The following RTTN variants were observed in gnomAD, a reference collection of about 807,000 sequenced individuals.
The protein encoded by RTTN is rotatin.
A neutral mutation model predicts 269.2 loss-of-function variants in RTTN; 182 were observed. The observed-to-expected ratio is 0.68, with a 90% CI of 0.60 to 0.76. RTTN has a LOEUF of 0.76. Ranked by LOEUF, RTTN falls within the 30% of genes least tolerant of loss-of-function variation. The pLI, the probability that RTTN is intolerant of heterozygous loss-of-function variation, is 0.00. For synonymous variants in RTTN, 1,006 were observed against 963.5 expected, an observed-to-expected ratio of 1.04 and a Z score of -0.82; for missense variants, 2,545 against 2,608.6, an observed-to-expected ratio of 0.98 and a Z score of 0.53.
At chr18:70,121,802 C>T (rs2059745597) in intron 25 of RTTN, 102 bp from the exon 26 acceptor site, 1 of 1,118,546 alleles carries the variant, frequency 8.9e-7, no homozygotes, top group Non-Finnish European at 1.2e-6. Flanking sequence ...TGTGAGGATG[C>T]TATTTTATGA....
At chr18:70,152,992 A>C (rs2060578461) in intron 14 of RTTN, among the ~76,000 whole-genome samples, 1 of 152,066 alleles carries the variant, frequency 6.6e-6, no homozygotes, top group Non-Finnish European at 1.5e-5. Flanking sequence ...CCATTTTTCT[A>C]TTATCTCATT....
rs615151 is a variant in RTTN, at chr18:70,073,971, A to G, written c.4588T>C (p.Trp1530Arg). 6.2e-7 allele frequency: 1 copy of G among 1,611,724 alleles called. No individual in the cohort carries two copies. Among genetic ancestry groups the G allele is most frequent in the Non-Finnish European group, 8.5e-7 (1 of 1,178,300 alleles). The change falls in exon 34 of 49, where the codon TGG becomes CGG. Residue 1530 changes from tryptophan to arginine, a missense_variant. Coordinates refer to ENST00000640769, the MANE Select transcript of RTTN (RefSeq NM_173630.4). ...TGACTTGTCCTAGATGGAGCCCTCC[A>G]AAACTTGAATGAGTCATCTAAACCT... is the stretch of plus-strand genomic sequence containing the variant. ...LNGLDDSFKF[W>R]RAPSRTSQDR...
chr18:70,143,700 G>A (rs989594298), intron 18 of RTTN, among the ~76,000 whole-genome samples: 9 of 151,812 alleles, frequency 5.9e-5, no homozygotes, highest in African/African-American at 2.4e-5. Context: ...CCCATGACAC[G>A]AGTTTACCTA....
chr18:70,040,426 G>A (rs1323335008), intron 40 of RTTN, among the ~76,000 whole-genome samples: 1 of 152,174 alleles, frequency 6.6e-6, no homozygotes, highest in Non-Finnish European at 1.5e-5. Context: ...AGGATACAAT[G>A]ATTGTGAGTA....
At position 70,148,973 on chromosome 18, in the gene RTTN, T is replaced by G. The variant is rs776943396; in HGVS notation, c.2237A>C (p.Asp746Ala). 9.9e-6 allele frequency: 16 copies of G among 1,613,560 alleles called. No homozygotes were observed. Among genetic ancestry groups the G allele is most frequent in the Non-Finnish European group, 1.3e-5 (15 of 1,179,668 alleles). The change falls in exon 17 of 49, where the codon GAC becomes GCC. Residue 746 changes from aspartate to alanine, a missense_variant. Coordinates refer to ENST00000640769, the MANE Select transcript of RTTN (RefSeq NM_173630.4). The stretch of plus-strand genomic sequence containing the variant: ...AGTACACGGAAGCATCTCTTCTGTG[T>G]CAGAACTTGCTTTGCTTAGAAGGAG... ...CILLLSKASS[D>A]TEEMLPCTTR...
rs1269057438 is a variant in RTTN, at chr18:70,199,511, G to A, written c.488-7C>T. The A allele has an allele frequency of 1.3e-6, 2 of 1,577,426 alleles. No individual in the cohort carries two copies. The highest frequency in any genetic ancestry group is 1.7e-5 in the Admixed American group (1 of 59,904). ...CACTTCACAGTCTGATTTACTGTCA[G>A]TGAAAGAGCAAATCTTATGGTATCA... On this transcript the variant is annotated splice_polypyrimidine_tract_variant and splice_region_variant and intron_variant, in intron 4 of 48. Transcript: ENST00000640769.
intron 28 of RTTN, among the ~76,000 whole-genome samples, chr18:70,108,126 A>C (rs2059370118): frequency 6.6e-6 from 1 of 152,066 alleles, no homozygotes; most frequent in Non-Finnish European, 1.5e-5. Flanking sequence ...AAAAGACAAA[A>C]ATTAGCTGTG....
At chr18:70,086,285 A>C (rs2058695968) in intron 32 of RTTN, among the ~76,000 whole-genome samples, 1 of 152,178 alleles carries the variant, frequency 6.6e-6, no homozygotes, top group Admixed American at 6.5e-5. Context: ...TCTCTATGCA[A>C]AAGTTCCTAA....
intron 9 of RTTN, among the ~76,000 whole-genome samples, chr18:70,188,433 A>G (rs1022273438): frequency 7.9e-5 from 12 of 152,232 alleles, no homozygotes; most frequent in Non-Finnish European, 1.6e-4. Flanking sequence ...TACATAACAA[A>G]TCAAATACAT....
In RTTN at chr18:70,134,503, A is replaced by C; in HGVS notation, c.2924T>G (p.Val975Gly). 1 of 1,610,554 alleles carries C rather than the reference A, an allele frequency of 6.2e-7. No individual in the cohort carries two copies. Among genetic ancestry groups the C allele is most frequent in the Non-Finnish European group, 8.5e-7 (1 of 1,178,230 alleles). The change falls in exon 23 of 49, where the codon GTC (valine) becomes GGC (glycine). Residue 975 changes from valine (V) to glycine (G), a missense_variant. Val to Gly is a moderately radical substitution (Grantham distance 109, BLOSUM62 -3). Transcript: ENST00000640769. ...AAAAACGGAAACAGGCAAACTGAAG[A>C]CCGATGGCAAAGAAGGTTTATTGGA... ...NPSNKPSLPS[V>G]FSLPVSVFRR...
intron 41 of RTTN, 151 bp downstream of exon 41, chr18:70,030,725 T>C (rs1213652323): frequency 1.9e-6 from 1 of 532,394 alleles, no homozygotes; most frequent in Non-Finnish European, 3.3e-6. Context: ...TATTTACTGC[T>C]TCTGTATGGG....
At chr18:70,035,912 A>C (rs1438651378) in intron 40 of RTTN, among the ~76,000 whole-genome samples, 1 of 152,238 alleles carries the variant, frequency 6.6e-6, no homozygotes, top group Non-Finnish European at 1.5e-5. Context: ...GACACTTCTC[A>C]AAAGAAGACA....
intron 30 of RTTN, among the ~76,000 whole-genome samples, chr18:70,091,045 T>C (rs1358294960): frequency 6.6e-6 from 1 of 152,206 alleles, no homozygotes; most frequent in Non-Finnish European, 1.5e-5. Flanking sequence ...ATATAACTTG[T>C]ATGGGTTCAC....
In RTTN at chr18:70,124,244, C is replaced by T. The variant is rs114070473; in HGVS notation, c.3384-2544G>A. On this transcript the variant is annotated intron_variant, in intron 25 of 48. Coordinates refer to ENST00000640769, the MANE Select transcript of RTTN (RefSeq NM_173630.4). ...ACAGTCTAAAAGAACAAAAAACTTA[C>T]GAATAATCACAGCGCAAAAACAGAA... is the stretch of plus-strand genomic sequence containing the variant. Among the ~76,000 whole-genome samples, 780 of 152,004 alleles carry T rather than the reference C, an allele frequency of 5.1e-3. 7 individuals carry two copies. The highest frequency in any genetic ancestry group is 0.018 in the African/African-American group (745 of 41,488).
intron 35 of RTTN, among the ~76,000 whole-genome samples, chr18:70,062,980 G>T (rs551316466): frequency 1.3e-5 from 2 of 151,890 alleles, no homozygotes; most frequent in African/African-American, 2.4e-5. Flanking sequence ...TCTATATATT[G>T]TTATATATCT....
intron 3 of RTTN, among the ~76,000 whole-genome samples, chr18:70,202,916 T>C (rs2061987191): frequency 6.6e-6 from 1 of 151,806 alleles, no homozygotes; most frequent in East Asian, 1.9e-4. Flanking sequence ...GCTGAAGCTG[T>C]AACAGTACTG....
In RTTN at chr18:70,128,464, CCAAA is replaced by C. The variant is rs1354103247; in HGVS notation, c.3033_3036del (p.Cys1011TrpfsTer3). ...AGCATATCTGACACCGGCTTCAAGG[CCAAA>C]CAATCAGCAGATAAGGGCAAAACTA... is the stretch of plus-strand genomic sequence containing the variant. On this transcript the variant is annotated frameshift_variant, in exon 24 of 49. Transcript: ENST00000640769. LOFTEE classifies it high-confidence loss of function. 3.7e-6 allele frequency: 6 copies of C among 1,613,118 alleles called. No individual in the cohort carries two copies. The Admixed American group carries it at 8.4e-5, about 22-fold the overall frequency.
At chr18:70,090,099 A>C (rs770732610) in intron 30 of RTTN, among the ~76,000 whole-genome samples, 1 of 152,212 alleles carries the variant, frequency 6.6e-6, no homozygotes, top group Non-Finnish European at 1.5e-5. Flanking sequence ...ATGGGATTAT[A>C]TCAGCAAAGA....
chr18:70,095,815 T>C (rs879384583), intron 28 of RTTN, among the ~76,000 whole-genome samples: 1 of 152,276 alleles, frequency 6.6e-6, no homozygotes, highest in Admixed American at 6.5e-5. Context: ...GTGATCTCTG[T>C]ATTTCCTGAA....
Sources: allele counts gnomAD v4.1 joint callset (sites outside exome capture counted in the v4.1 genomes callset), GRCh38; gene constraint gnomAD v4.1.1; transcripts MANE v1.5; gene names NCBI Gene and HGNC (gene_info 2026-07-23, HGNC 2026-07-21).